The following PROZ variants were observed in gnomAD, a reference collection of about 807,000 sequenced individuals.
PROZ encodes the protein vitamin K-dependent protein Z.
Under a neutral mutation model 34.9 loss-of-function variants are expected in PROZ, and 46 were observed. The ratio of observed to expected loss-of-function variants is 1.32; its 90% CI spans 1.04 to 1.69. PROZ has a LOEUF of 1.69. Ranked by LOEUF, PROZ falls within the 40% of genes most tolerant of loss-of-function variation. PROZ has a pLI of 0.00. For synonymous variants in PROZ, 195 were observed against 208.5 expected, an observed-to-expected ratio of 0.94 and a Z score of 0.56; for missense variants, 530 against 520.4, an observed-to-expected ratio of 1.02 and a Z score of -0.18.
Position 113,159,361 on chromosome 13 carries a change from C to A in PROZ, c.70+631C>A. ...AGGGTGATCCCCCCGCCCTGCCCTG[C>A]CCAGCACTTACCGTAGCCGGACTTA... On this transcript the variant is annotated intron_variant, in intron 1 of 7. Transcript: ENST00000375547. This position sits in a 1 kb window ranked among gnomAD's most constrained non-coding sequence, Gnocchi z 4.6. 1 of 1,304,446 alleles carries A rather than the reference C, an allele frequency of 7.7e-7. No individual in the cohort carries two copies. The highest frequency in any genetic ancestry group is 2.5e-5 in the East Asian group (1 of 39,704). The allele number at this position is 1,304,446 out of a possible 1,614,324, so 80.8% of individuals were successfully genotyped here. A position where few individuals can be genotyped will look rare whatever the true frequency, so the allele number is the denominator to read the frequency against.
chr13:113,160,409 T>C (rs1439684444), intron 2 of PROZ, among the ~76,000 whole-genome samples: 3 of 152,194 alleles, frequency 2.0e-5, no homozygotes, highest in Non-Finnish European at 4.4e-5. Context: ...ACTGGACTCA[T>C]TTCTTCAGGT....
At position 113,159,960 on chromosome 13, in the gene PROZ, G is replaced by A. The variant is rs1283306397; in HGVS notation, c.71-54G>A. 7 of 1,605,074 alleles carry A rather than the reference G, an allele frequency of 4.4e-6. No homozygotes were observed. The Admixed American group carries it at 1.0e-4, about 23-fold the overall frequency. Reference sequence around the variant, plus strand: ...GCCGGGGAGGAAGCCAGGCAGCTCTGGAAAGCAGGGCCCTCGGTGCTCCCA... The same window carrying A: ...GCCGGGGAGGAAGCCAGGCAGCTCTAGAAAGCAGGGCCCTCGGTGCTCCCA... On this transcript the variant is annotated intron_variant, in intron 1 of 7. Coordinates refer to ENST00000375547, the MANE Select transcript of PROZ (RefSeq NM_003891.3). The surrounding 1 kb of genome is among the most constrained non-coding windows in gnomAD (Gnocchi z 4.6).
rs955059134 is a variant in PROZ, at chr13:113,161,050, G to C, written c.259+78G>C. The C allele has an allele frequency of 3.9e-6, 5 of 1,297,720 alleles. No homozygotes were observed. The East Asian group carries it at 6.9e-5, about 18-fold the overall frequency. The allele number at this position is 1,297,720 out of a possible 1,614,324, so 80.4% of individuals were successfully genotyped here. ...CGTGGGTGGGCTTAGGACGCTTCAC[G>C]ACCCCAGCTCAGCGGATGCCAAGCC... On this transcript the variant is annotated intron_variant, in intron 3 of 7. Coordinates refer to ENST00000375547, the MANE Select transcript of PROZ (RefSeq NM_003891.3).
chr13:113,159,084 C>A lies in PROZ; in HGVS notation c.70+354C>A. 2 of 850,840 alleles carry A rather than the reference C, an allele frequency of 2.4e-6. No homozygotes were observed. The highest frequency in any genetic ancestry group is 3.8e-6 in the Non-Finnish European group (2 of 523,698). 52.7% of individuals were successfully genotyped at this position (850,840 alleles called of 1,614,324 possible). On this transcript the variant is annotated intron_variant, in intron 1 of 7. Coordinates refer to ENST00000375547, the MANE Select transcript of PROZ (RefSeq NM_003891.3). The surrounding 1 kb of genome is among the most constrained non-coding windows in gnomAD (Gnocchi z 4.6). ...GGGGGTGGGGCAGGCTGAGCCCAGA[C>A]TGCAATGTGGGCAGAGAGAGCCTTG...
chr13:113,164,418 AAATG>A, intron 4 of PROZ, 91 bp from the exon 5 acceptor site: 1 of 1,431,024 alleles, frequency 7.0e-7, no homozygotes, highest in Non-Finnish European at 9.7e-7. Context: ...GGCTGTGATA[AAATG>A]AACATGGACC....
At chr13:113,160,262 C>T (rs1566926455) in intron 2 of PROZ, 85 bp downstream of exon 2, 15 of 1,494,640 alleles carry the variant, frequency 1.0e-5, no homozygotes, top group Non-Finnish European at 1.1e-5. Context: ...AGAGATTAAG[C>T]TTAATTAATT....
At chr13:113,167,198 T>C (rs1024209285) in intron 6 of PROZ, among the ~76,000 whole-genome samples, 27 of 152,218 alleles carry the variant, frequency 1.8e-4, no homozygotes, top group Non-Finnish European at 3.1e-4. Context: ...GGCAGACTGA[T>C]GGCGCAAGTG....
intron 6 of PROZ, 23 bp downstream of exon 6, chr13:113,165,143 C>A: frequency 1.2e-6 from 2 of 1,601,164 alleles, no homozygotes; most frequent in Non-Finnish European, 1.7e-6. Context: ...TCTCCGCGTG[C>A]TTCAATTTAT....
chr13:113,170,300 G>C (rs565705025), intron 6 of PROZ, 113 bp from the exon 7 acceptor site: 2 of 664,506 alleles, frequency 3.0e-6, no homozygotes, highest in African/African-American at 3.6e-5. Context: ...TGCCTTTGGC[G>C]GGGGGTGGGG....
At chr13:113,162,935 A>G (rs1436331867) in intron 3 of PROZ, 74 bp from the exon 4 acceptor site, 1 of 621,296 alleles carries the variant, frequency 1.6e-6, no homozygotes, top group Non-Finnish European at 2.4e-6. Context: ...CATTCCTGTC[A>G]CCACCCCCAC....
intron 2 of PROZ, 61 bp downstream of exon 2, chr13:113,160,238 G>A (rs2036737805): frequency 6.3e-7 from 1 of 1,576,112 alleles, no homozygotes; most frequent in Non-Finnish European, 8.7e-7. Flanking sequence ...CTGGCCCAGG[G>A]AGCATCATTT....
In PROZ at chr13:113,171,626, A is replaced by G. The variant is rs1384966890; in HGVS notation, c.724A>G (p.Ile242Val). ...CAGAACGAGCCAAGACCCGCTGATG[A>G]TCAAGATAACGCACGTCCATGTGCA... ...FNRTSQDPLM[I>V]KITHVHVHMR... Residue 242 changes from isoleucine (I) to valine (V), a missense_variant, in exon 8 of 8, where the codon ATC becomes GTC. Transcript: ENST00000375547. This position sits in a 1 kb window ranked among gnomAD's most constrained non-coding sequence, Gnocchi z 5.1. 1 of 1,614,196 alleles carries G rather than the reference A, an allele frequency of 6.2e-7. No individual in the cohort carries two copies. The highest frequency in any genetic ancestry group is 8.5e-7 in the Non-Finnish European group (1 of 1,180,040).
In PROZ at chr13:113,171,562, T is replaced by C; in HGVS notation, c.692-32T>C. On this transcript the variant is annotated intron_variant, in intron 7 of 7. Transcript: ENST00000375547. The surrounding 1 kb of genome is among the most constrained non-coding windows in gnomAD (Gnocchi z 5.1). ...CATTATGTCCCCTTGAAAATCAGAC[T>C]GTAAAGAACTGACGATTGTTCATGA... is the stretch of plus-strand genomic sequence containing the variant. The C allele has an allele frequency of 3.7e-6, 6 of 1,613,716 alleles. No individual in the cohort carries two copies. The South Asian group carries it at 4.4e-5, about 12-fold the overall frequency.
chr13:113,163,369 G>GC (rs1566927894), intron 4 of PROZ, among the ~76,000 whole-genome samples: 1 of 151,704 alleles, frequency 6.6e-6, no homozygotes, highest in African/African-American at 2.4e-5. Context: ...CATAGCAGGG[G>GC]CCCCTCTCCT....
In PROZ at chr13:113,171,790, C is replaced by T. The variant is rs776844712; in HGVS notation, c.888C>T (p.Thr296=). 1 of 1,613,436 alleles carries T rather than the reference C, an allele frequency of 6.2e-7. No individual in the cohort carries two copies. Among genetic ancestry groups the T allele is most frequent in the Admixed American group, 1.7e-5 (1 of 60,032 alleles). Residue 296 remains threonine (T), a synonymous_variant, in exon 8 of 8, where the codon ACC becomes ACT. Transcript: ENST00000375547. This position sits in a 1 kb window ranked among gnomAD's most constrained non-coding sequence, Gnocchi z 5.1. The stretch of plus-strand genomic sequence containing the variant: ...CTGAGCACCTCCTCATCCCACGCAC[C>T]AGGGGCCTCCTCAGCGGCTGGGCAC... The part of the protein sequence containing the change: ...DFAEHLLIPR[T]RGLLSGWARN...
At chr13:113,163,548 A>G (rs1313118425) in intron 4 of PROZ, among the ~76,000 whole-genome samples, 1 of 152,170 alleles carries the variant, frequency 6.6e-6, no homozygotes, top group Non-Finnish European at 1.5e-5. Flanking sequence ...ATCGCCAACT[A>G]CAGCAACAAG....
Position 113,172,169 on chromosome 13 carries a change from A to T in PROZ, c.*64A>T. The T allele has an allele frequency of 6.3e-7, 1 of 1,585,248 alleles. No individual in the cohort carries two copies. Among genetic ancestry groups the T allele is most frequent in the African/African-American group, 1.3e-5 (1 of 74,540 alleles). On this transcript the variant is annotated 3_prime_UTR_variant, in exon 8 of 8. Transcript: ENST00000375547. ...AGCGGGATTCCAAGCTGGCACTGCC[A>T]CTGTGGAGGGCGCTGAAACTTCATC...
chr13:113,172,166 G>A lies in PROZ; in HGVS notation c.*61G>A. ...GGAAGCGGGATTCCAAGCTGGCACT[G>A]CCACTGTGGAGGGCGCTGAAACTTC... On this transcript the variant is annotated 3_prime_UTR_variant, in exon 8 of 8. Coordinates refer to ENST00000375547, the MANE Select transcript of PROZ (RefSeq NM_003891.3). 6.3e-7 allele frequency: 1 copy of A among 1,589,868 alleles called. No individual in the cohort carries two copies. Among genetic ancestry groups the A allele is most frequent in the South Asian group, 1.1e-5 (1 of 88,814 alleles).
At position 113,171,870 on chromosome 13, in the gene PROZ, A is replaced by AG; in HGVS notation, c.973dup (p.Glu325GlyfsTer18). On this transcript the variant is annotated frameshift_variant, in exon 8 of 8. Coordinates refer to ENST00000375547, the MANE Select transcript of PROZ (RefSeq NM_003891.3). LOFTEE classifies it low-confidence loss of function (END_TRUNC). This position sits in a 1 kb window ranked among gnomAD's most constrained non-coding sequence, Gnocchi z 5.1. The stretch of plus-strand genomic sequence containing the variant: ...ACCACGCGGCCTGTCACACTTGTGG[A>AG]GGGGGAGGAGTGCGGGCAGGTCCTG... The AG allele has an allele frequency of 6.2e-7, 1 of 1,613,592 alleles. No individual in the cohort carries two copies. Among genetic ancestry groups the AG allele is most frequent in the Non-Finnish European group, 8.5e-7 (1 of 1,180,022 alleles).
Sources: gnomAD v4.1 joint callset for allele counts (sites outside exome capture counted in the v4.1 genomes callset) on GRCh38, gnomAD v4.1.1 for gene constraint, Gnocchi (gnomAD v3.1) non-coding constraint, MANE v1.5 for transcripts, NCBI Gene and HGNC (gene_info 2026-07-23, HGNC 2026-07-21) for gene names.